SMARCA2: variants seen among roughly 807,000 people sequenced by gnomAD.
The protein encoded by SMARCA2 is SWI/SNF related BAF chromatin remodeling complex subunit ATPase 2, also known as SWI/SNF-related matrix-associated actin-dependent regulator of chromatin subfamily A member 2.
In SMARCA2, 61 loss-of-function variants were observed where a neutral mutation model predicts 199.8. The observed-to-expected ratio is 0.31, with a 90% CI of 0.25 to 0.38. SMARCA2 has a LOEUF of 0.38. Among genes scored for constraint, SMARCA2 ranks in the 10% least tolerant of loss-of-function variants. SMARCA2 has a pLI of 1.00. For synonymous variants in SMARCA2, 935 were observed against 732.0 expected (o/e 1.28, Z -4.48); for missense variants, 1,344 against 2,012.2 (o/e 0.67, Z 6.35).
At chr9:2,029,269 C>T in intron 2 of SMARCA2, 22 bp downstream of exon 2, 1 of 1,594,734 alleles carries the variant, frequency 6.3e-7, no homozygotes, top group Non-Finnish European at 8.6e-7. Context: ...TTCTCCCATT[C>T]AAACTCAACT....
chr9:2,168,459 A>G (rs1826053634), intron 28 of SMARCA2, among the ~76,000 whole-genome samples: 1 of 152,210 alleles, frequency 6.6e-6, no homozygotes. Flanking sequence ...ACTCTGCTGA[A>G]GGCCTACATA....
intron 29 of SMARCA2, among the ~76,000 whole-genome samples, chr9:2,173,980 T>C (rs1198919724): frequency 1.3e-5 from 2 of 152,184 alleles, no homozygotes; most frequent in Non-Finnish European, 2.9e-5. Context: ...ATTGATACTT[T>C]AAATGTTTGC....
At chr9:2,036,176 TAGTG>T (rs545901166) in intron 3 of SMARCA2, among the ~76,000 whole-genome samples, 6 of 149,988 alleles carry the variant, frequency 4.0e-5, no homozygotes, top group Non-Finnish European at 8.9e-5. Context: ...TATATTTAAA[TAGTG>T]TGTGTGTGTG....
At chr9:2,114,825 A>G (rs1272686504) in intron 24 of SMARCA2, among the ~76,000 whole-genome samples, 2 of 152,270 alleles carry the variant, frequency 1.3e-5, no homozygotes, top group East Asian at 3.9e-4. Flanking sequence ...TCACCTGGAG[A>G]TTTACGTTGT....
rs1310373882 is a variant in SMARCA2, at chr9:2,039,657, C to T, written c.547C>T (p.Arg183Ter). Residue 183 changes from arginine to a stop codon, truncating the protein, a stop_gained, in exon 4 of 34, where the codon CGA becomes TGA. Coordinates refer to ENST00000349721, the MANE Select transcript of SMARCA2 (RefSeq NM_003070.5). LOFTEE classifies it high-confidence loss of function. This position sits in a 1 kb window ranked among gnomAD's most constrained non-coding sequence, Gnocchi z 4.8. ...CAGTCCTGTCCAGCTGCATCAGCTT[C>T]GAGCTCAGATTTTAGCTTATAAAAT... ...PFSPVQLHQLRAQILAYKMLA... is the reference protein window; with the variant it reads ...PFSPVQLHQL 1 of 1,614,176 alleles carries T rather than the reference C, an allele frequency of 6.2e-7. No homozygotes were observed. Among genetic ancestry groups the T allele is most frequent in the Non-Finnish European group, 8.5e-7 (1 of 1,180,042 alleles).
chr9:2,114,947 TCTC>T, intron 24 of SMARCA2, among the ~76,000 whole-genome samples: 1 of 152,244 alleles, frequency 6.6e-6, no homozygotes, highest in African/African-American at 2.4e-5. Flanking sequence ...TGTCATTAAA[TCTC>T]CTACAATATA....
Position 2,098,733 on chromosome 9 carries a change from C to T in SMARCA2, c.3078+1262C>T, listed in dbSNP as rs181693243. 5.9e-5 allele frequency among the ~76,000 whole-genome samples: 9 copies of T among 152,134 alleles called. No individual in the cohort carries two copies. The East Asian group carries it at 9.7e-4, about 16-fold the overall frequency. On this transcript the variant is annotated intron_variant, in intron 21 of 33. Coordinates refer to ENST00000349721, the MANE Select transcript of SMARCA2 (RefSeq NM_003070.5). ...GGAAGATCACCTGAGGTCAGGAGTT[C>T]GAGACCAGCCTGGCCAACATGGTGA...
intron 5 of SMARCA2, among the ~76,000 whole-genome samples, chr9:2,053,963 G>A (rs1284170870): frequency 6.6e-6 from 1 of 152,088 alleles, no homozygotes; most frequent in African/African-American, 2.4e-5. Flanking sequence ...ATTTACTGCT[G>A]GCCCTGATTT....
At chr9:2,051,245 T>G (rs1193351294) in intron 5 of SMARCA2, among the ~76,000 whole-genome samples, 1 of 152,172 alleles carries the variant, frequency 6.6e-6, no homozygotes, top group Non-Finnish European at 1.5e-5. Flanking sequence ...TACTATGGAG[T>G]CTACCTTTCC....
In SMARCA2 at chr9:2,066,533, A is replaced by G. The variant is rs1223679478; in HGVS notation, c.1693-3885A>G. Among the ~76,000 whole-genome samples, 3 of 152,336 alleles carry G rather than the reference A, an allele frequency of 2.0e-5. No individual in the cohort carries two copies. In the East Asian group the frequency reaches 5.8e-4, roughly 29 times the overall value. ...TCTTTAGTTTGAGTAATTTTTAGTT[A>G]TGAGTAATCTTTAGTTATGAATAAT... is the stretch of plus-strand genomic sequence containing the variant. On this transcript the variant is annotated intron_variant, in intron 9 of 33. Transcript: ENST00000349721.
At chr9:2,153,007 A>G (rs1353944724) in intron 27 of SMARCA2, among the ~76,000 whole-genome samples, 1 of 152,170 alleles carries the variant, frequency 6.6e-6, no homozygotes, top group Non-Finnish European at 1.5e-5. Context: ...GGATGTGGCT[A>G]TCAAGAAAAC....
rs1157422727 is a variant in SMARCA2, at chr9:2,017,998, C to A, written c.-37+2594C>A. On this transcript the variant is annotated intron_variant, in intron 1 of 33. Transcript: ENST00000349721. This position sits in a 1 kb window ranked among gnomAD's most constrained non-coding sequence, Gnocchi z 8.8. The stretch of plus-strand genomic sequence containing the variant: ...TGAGGGGGAAGAAGGCCTTGCTGGC[C>A]GCTGTTGCTTGTCAGTTCTTTCTCC... 1 of 152,254 alleles carries A rather than the reference C, an allele frequency of 6.6e-6. No homozygotes were observed. Among genetic ancestry groups the A allele is most frequent in the Non-Finnish European group, 1.5e-5 (1 of 68,082 alleles). The allele number at this position is 152,254 out of a possible 1,614,324, so 9.4% of individuals were successfully genotyped here.
At chr9:2,020,490 G>T (rs1019981411) in intron 1 of SMARCA2, among the ~76,000 whole-genome samples, 1 of 152,096 alleles carries the variant, frequency 6.6e-6, no homozygotes, top group South Asian at 2.1e-4. Context: ...AGAAACTTAT[G>T]ACTTTATACT....
intron 17 of SMARCA2, 44 bp downstream of exon 17, chr9:2,084,240 C>G (rs1266416849): frequency 4.9e-6 from 5 of 1,010,230 alleles, no homozygotes; most frequent in Non-Finnish European, 7.7e-6. Context: ...AGGACCATTG[C>G]ACTGGAATGT....
intron 17 of SMARCA2, among the ~76,000 whole-genome samples, chr9:2,084,901 G>A (rs1003052435): frequency 6.6e-6 from 1 of 152,166 alleles, no homozygotes; most frequent in African/African-American, 2.4e-5. Context: ...CGTTCATGTA[G>A]AAAGATGGAA....
Position 2,073,638 on chromosome 9 carries a change from CTGTT to C in SMARCA2, c.1935+18_1935+21del. On this transcript the variant is annotated intron_variant, in intron 12 of 33. Coordinates refer to ENST00000349721, the MANE Select transcript of SMARCA2 (RefSeq NM_003070.5). ...ATGAGGAAGAGGTATGTATGTATCT[CTGTT>C]TGGGGTTTATTGGTTTGAAAGTTAT... 2.5e-6 allele frequency: 4 copies of C among 1,589,652 alleles called. No individual in the cohort carries two copies. The highest frequency in any genetic ancestry group is 3.5e-6 in the Non-Finnish European group (4 of 1,158,124).
intron 27 of SMARCA2, among the ~76,000 whole-genome samples, chr9:2,156,414 CTTTTTTTT>C (rs57161267): frequency 8.7e-4 from 60 of 69,156 alleles, no homozygotes; most frequent in African/African-American, 3.6e-3. Context: ...CCATTTTAGA[CTTTTTTTT>C]TTTTTTTTTT....
chr9:2,171,433 A>G (rs868507187), intron 29 of SMARCA2, among the ~76,000 whole-genome samples: 2 of 152,192 alleles, frequency 1.3e-5, no homozygotes, highest in Non-Finnish European at 2.9e-5. Flanking sequence ...TTCTTTATAT[A>G]AGGAGATTAA....
In SMARCA2 at chr9:2,119,775, G is replaced by A. The variant is rs183632099; in HGVS notation, c.3762+240G>A. On this transcript the variant is annotated intron_variant, in intron 26 of 33. Transcript: ENST00000349721. The surrounding 1 kb of genome is among the most constrained non-coding windows in gnomAD (Gnocchi z 4.6). The stretch of plus-strand genomic sequence containing the variant: ...ACATAAAAAAGAATCCTGATTTCTG[G>A]CTTCTCTTGAAAAATGAGATCGGGC... 5.9e-5 allele frequency among the ~76,000 whole-genome samples: 9 copies of A among 152,260 alleles called. No individual in the cohort carries two copies. The highest frequency in any genetic ancestry group is 2.2e-4 in the African/African-American group (9 of 41,554).
Sources: allele counts gnomAD v4.1 joint callset (sites outside exome capture counted in the v4.1 genomes callset), GRCh38; gene constraint gnomAD v4.1.1; non-coding constraint Gnocchi (gnomAD v3.1); transcripts MANE v1.5; gene names NCBI Gene and HGNC (gene_info 2026-07-23, HGNC 2026-07-21).